CPNE1: variants seen among roughly 807,000 people sequenced by gnomAD.
CPNE1 encodes copine 1.
Under a neutral mutation model 63.2 loss-of-function variants are expected in CPNE1, and 58 were observed. That is an observed-to-expected ratio of 0.92 (90% CI 0.74 to 1.14). CPNE1 has a LOEUF of 1.14. Ranked by LOEUF, CPNE1 falls within the 50% of genes most tolerant of loss-of-function variation. The pLI, the probability that CPNE1 is intolerant of heterozygous loss-of-function variation, is 0.00. For synonymous variants in CPNE1, 237 were observed against 249.0 expected (o/e 0.95, Z 0.45); for missense variants, 672 against 661.7 (o/e 1.02, Z -0.17).
chr20:35,642,656 C>T (rs2032879742), intron 1 of CPNE1, among the ~76,000 whole-genome samples: 1 of 152,198 alleles, frequency 6.6e-6, no homozygotes, highest in African/African-American at 2.4e-5. Context: ...CGAGGATTCT[C>T]CAAATTTACA....
intron 1 of CPNE1, among the ~76,000 whole-genome samples, chr20:35,637,820 C>T (rs1349808438): frequency 6.6e-6 from 1 of 152,186 alleles, no homozygotes; most frequent in African/African-American, 2.4e-5. Flanking sequence ...CCTAACTAAT[C>T]ATCTAGCCAC....
intron 1 of CPNE1, among the ~76,000 whole-genome samples, chr20:35,663,704 C>T (rs2034364962): frequency 1.3e-5 from 2 of 152,114 alleles, no homozygotes; most frequent in South Asian, 4.1e-4. Context: ...CACAAGAGCC[C>T]CTCAGATTTG....
chr20:35,664,278 G>A (rs2034408843), intron 1 of CPNE1: 1 of 152,288 alleles, frequency 6.6e-6, no homozygotes, highest in South Asian at 2.1e-4. Context: ...TGTGACCTGG[G>A]TCCCCTTTTG....
intron 1 of CPNE1, chr20:35,643,114 TGAG>T (rs931591642): frequency 3.9e-5 from 6 of 153,102 alleles, no homozygotes; most frequent in African/African-American, 7.2e-5. Flanking sequence ...AGAAGCAAAC[TGAG>T]GAGGACTACA....
chr20:35,655,182 A>G (rs905379218), intron 1 of CPNE1: 1 of 1,614,222 alleles, frequency 6.2e-7, no homozygotes. Flanking sequence ...CATCAGTGGC[A>G]AAAACGATGA....
At chr20:35,651,065 G>A (rs942490990) in intron 1 of CPNE1, 15 of 152,226 alleles carry the variant, frequency 9.9e-5, no homozygotes, top group African/African-American at 3.6e-4. Flanking sequence ...AGCCCTGTAA[G>A]GCCAAGTTTT....
At chr20:35,627,195 A>AAAAAAAAAAG in intron 14 of CPNE1, 85 bp downstream of exon 14, 1 of 1,173,310 alleles carries the variant, frequency 8.5e-7, no homozygotes, top group Non-Finnish European at 1.1e-6. Flanking sequence ...CTCAAAAAAA[A>AAAAAAAAAAG]AAAAAAAAAA....
intron 1 of CPNE1, chr20:35,653,738 T>C (rs1442849088): frequency 6.2e-7 from 1 of 1,614,206 alleles, no homozygotes; most frequent in South Asian, 1.1e-5. Context: ...ATCATTTCCC[T>C]CTGGTCATAG....
chr20:35,653,983 A>G, intron 1 of CPNE1: 1 of 1,614,168 alleles, frequency 6.2e-7, no homozygotes, highest in Non-Finnish European at 8.5e-7. Context: ...AAAAAAATCA[A>G]TGACATGTTT....
intron 1 of CPNE1, chr20:35,649,571 AT>A (rs1487447558): frequency 6.6e-6 from 1 of 152,618 alleles, no homozygotes; most frequent in East Asian, 1.9e-4. Flanking sequence ...ACACTGTTTC[AT>A]TTTTTAAAAA....
chr20:35,632,104 C>T, intron 5 of CPNE1, 59 bp downstream of exon 5: 1 of 1,602,208 alleles, frequency 6.2e-7, no homozygotes, highest in Non-Finnish European at 8.6e-7. Context: ...CCCCCATCCC[C>T]CATACACCAT....
At position 35,632,824 on chromosome 20, in the gene CPNE1, G is replaced by A. The variant is rs1456827116; in HGVS notation, c.100C>T (p.Gln34Ter). Residue 34 changes from glutamine (Q) to a stop codon, truncating the protein, a stop_gained, in exon 2 of 16, where the codon CAG becomes TAG. Coordinates refer to ENST00000397443, the MANE Select transcript of CPNE1 (RefSeq NM_152925.3). LOFTEE classifies it high-confidence loss of function. ...GCCCAGCTGCCCCCTCCCACATCCT[G>A]TAAAAGGACGCAGAGTGGGTCAGAC... Reference protein sequence around the residue: ...SKSDPLCVLLQDVGGGSWAEL... With the variant: ...SKSDPLCVLL 1.1e-6 allele frequency: 1 copy of A among 872,812 alleles called. No homozygotes were observed. 54.1% of individuals were successfully genotyped at this position (872,812 alleles called of 1,614,324 possible). A position where few individuals can be genotyped will look rare whatever the true frequency, so the allele number is the denominator to read the frequency against.
intron 13 of CPNE1, among the ~76,000 whole-genome samples, chr20:35,629,332 T>C (rs572315574): frequency 6.6e-6 from 1 of 152,310 alleles, no homozygotes; most frequent in African/African-American, 2.4e-5. Flanking sequence ...GGTCAGATTT[T>C]CCACTTCAGC....
chr20:35,653,216 C>T lies in CPNE1; in HGVS notation c.-1+11544G>A. On this transcript the variant is annotated intron_variant, in intron 1 of 15. Coordinates refer to ENST00000397443, the MANE Select transcript of CPNE1 (RefSeq NM_152925.3). ...CCTACAGTCAGGAAGGCATGCTCTT[C>T]ACCTCCTGCACTAGGTATTCCTGCA... 1 of 1,613,528 alleles carries T rather than the reference C, an allele frequency of 6.2e-7. No individual in the cohort carries two copies. The highest frequency in any genetic ancestry group is 8.5e-7 in the Non-Finnish European group (1 of 1,179,954).
chr20:35,644,992 C>T (rs2033024705), intron 1 of CPNE1, among the ~76,000 whole-genome samples: 1 of 152,182 alleles, frequency 6.6e-6, no homozygotes, highest in African/African-American at 2.4e-5. Context: ...CTGCCCCCAT[C>T]CCTCCCGGCT....
chr20:35,645,430 C>T (rs748639500), intron 1 of CPNE1, among the ~76,000 whole-genome samples: 4 of 152,186 alleles, frequency 2.6e-5, no homozygotes, highest in Non-Finnish European at 5.9e-5. Flanking sequence ...CTACCTGGTT[C>T]CCGTGGTATA....
chr20:35,646,252 C>CAAAAAAAAA (rs549372063), intron 1 of CPNE1, among the ~76,000 whole-genome samples: 16 of 58,350 alleles, frequency 2.7e-4, no homozygotes, highest in Non-Finnish European at 5.8e-4. Context: ...AAGACCATCT[C>CAAAAAAAAA]AAAAAAAAAA....
intron 1 of CPNE1, among the ~76,000 whole-genome samples, chr20:35,658,752 C>G (rs1292193191): frequency 6.6e-6 from 1 of 151,720 alleles, no homozygotes; most frequent in East Asian, 1.9e-4. Flanking sequence ...AGAGTCTAGC[C>G]TGGGCAACTG....
Position 35,630,385 on chromosome 20 carries a change from G to C in CPNE1, c.1102+54C>G, listed in dbSNP as rs563598177. On this transcript the variant is annotated intron_variant, in intron 13 of 15. Transcript: ENST00000397443. ...CCCACTCTCCCTTTTACTCATGCAG[G>C]CTTGCCCCTCTTTGTGTGGACAGAC... 1.6e-5 allele frequency: 24 copies of C among 1,455,636 alleles called. No homozygotes were observed. In the African/African-American group the frequency reaches 2.9e-4, roughly 18 times the overall value. 90.2% of individuals were successfully genotyped at this position (1,455,636 alleles called of 1,614,324 possible). A position where few individuals can be genotyped will look rare whatever the true frequency, so the allele number is the denominator to read the frequency against.
Sources: gnomAD v4.1 joint callset for allele counts (sites outside exome capture counted in the v4.1 genomes callset) on GRCh38, gnomAD v4.1.1 for gene constraint, MANE v1.5 for transcripts, NCBI Gene and HGNC (gene_info 2026-07-23, HGNC 2026-07-21) for gene names.